Variants in SPIRE1 observed in about 807,000 individuals in gnomAD.
SPIRE1 encodes the protein spire type actin nucleation factor 1, also known as protein spire homolog 1.
A neutral mutation model predicts 94.1 loss-of-function variants in SPIRE1; 40 were observed. The ratio of observed to expected loss-of-function variants is 0.43; its 90% CI spans 0.33 to 0.55. The LOEUF is 0.55. SPIRE1 is among the 20% of genes least tolerant of loss of function. The pLI is 0.06. For synonymous variants in SPIRE1, 376 were observed against 371.7 expected (o/e 1.01, Z -0.13); for missense variants, 838 against 975.2 (o/e 0.86, Z 1.87).
At chr18:12,635,644 G>C (rs1316046763) in intron 1 of SPIRE1, among the ~76,000 whole-genome samples, 1 of 152,048 alleles carries the variant, frequency 6.6e-6, no homozygotes, top group East Asian at 1.9e-4. Context: ...CTCACTTAAA[G>C]AATAATTAGA....
chr18:12,549,718 G>A (rs2035293567), intron 2 of SPIRE1, among the ~76,000 whole-genome samples: 1 of 151,790 alleles, frequency 6.6e-6, no homozygotes, highest in African/African-American at 2.4e-5. Context: ...CGGAGTGCTG[G>A]GATTACAGCT....
chr18:12,652,586 C>T (rs2038410238), intron 1 of SPIRE1, among the ~76,000 whole-genome samples: 1 of 152,108 alleles, frequency 6.6e-6, no homozygotes, highest in African/African-American at 2.4e-5. Flanking sequence ...TTTCCTTTTT[C>T]TTGAATTTAT....
chr18:12,598,893 C>T (rs923553912), intron 2 of SPIRE1, among the ~76,000 whole-genome samples: 1 of 152,106 alleles, frequency 6.6e-6, no homozygotes, highest in Non-Finnish European at 1.5e-5. Flanking sequence ...AGTTTTTTGG[C>T]ATTTTTTTTG....
chr18:12,532,227 G>A (rs2034704069), intron 4 of SPIRE1, among the ~76,000 whole-genome samples: 1 of 152,184 alleles, frequency 6.6e-6, no homozygotes, highest in Non-Finnish European at 1.5e-5. Context: ...TAAATAAATA[G>A]ATGATGAACC....
chr18:12,548,604 CTTTTTTTTTT>C (rs59811774), intron 2 of SPIRE1, among the ~76,000 whole-genome samples: 3 of 144,262 alleles, frequency 2.1e-5, no homozygotes, highest in African/African-American at 7.6e-5. Context: ...TCTTTTCTTT[CTTTTTTTTTT>C]TTTTCTTCTT....
intron 2 of SPIRE1, among the ~76,000 whole-genome samples, chr18:12,605,955 G>A (rs1242238745): frequency 6.6e-6 from 1 of 152,056 alleles, no homozygotes; most frequent in Non-Finnish European, 1.5e-5. Context: ...GGTCCACCTA[G>A]GCATCTTCCC....
At chr18:12,512,598 C>T in intron 4 of SPIRE1, 67 bp from the exon 5 acceptor site, 5 of 974,894 alleles carry the variant, frequency 5.1e-6, no homozygotes, top group Non-Finnish European at 4.8e-6. Context: ...AAATTCCTAA[C>T]ATATCTTCAG....
At chr18:12,634,258 TAAAAAA>T (rs71174115) in intron 2 of SPIRE1, among the ~76,000 whole-genome samples, 2 of 140,938 alleles carry the variant, frequency 1.4e-5, no homozygotes, top group Admixed American at 1.5e-4. Flanking sequence ...AAAATAAAAA[TAAAAAA>T]AAAAAAAAAT....
intron 2 of SPIRE1, among the ~76,000 whole-genome samples, chr18:12,608,680 C>G (rs2037055036): frequency 6.6e-6 from 1 of 152,184 alleles, no homozygotes; most frequent in South Asian, 2.1e-4. Context: ...GTATTATCCT[C>G]TGGTAACTGA....
At chr18:12,546,198 C>A (rs1035959619) in intron 3 of SPIRE1, among the ~76,000 whole-genome samples, 3 of 152,136 alleles carry the variant, frequency 2.0e-5, no homozygotes, top group Admixed American at 6.6e-5. Flanking sequence ...ACCGTGTTAG[C>A]CAGGACGTTC....
intron 9 of SPIRE1, among the ~76,000 whole-genome samples, chr18:12,484,204 C>T (rs963065515): frequency 6.6e-5 from 10 of 152,126 alleles, no homozygotes; most frequent in African/African-American, 1.9e-4. Context: ...TTTCTTATTA[C>T]GGTCCAACTA....
intron 2 of SPIRE1, among the ~76,000 whole-genome samples, chr18:12,601,186 C>T (rs1347611518): frequency 1.3e-5 from 2 of 151,502 alleles, no homozygotes; most frequent in African/African-American, 2.4e-5. Flanking sequence ...TCTGGGAGGC[C>T]GCGGCAGGCA....
At chr18:12,508,141 T>C (rs2033901967) in intron 5 of SPIRE1, among the ~76,000 whole-genome samples, 1 of 151,120 alleles carries the variant, frequency 6.6e-6, no homozygotes, top group South Asian at 2.1e-4. Context: ...TGAGATTCCA[T>C]CTCAAAAAAA....
intron 2 of SPIRE1, among the ~76,000 whole-genome samples, chr18:12,618,757 A>T (rs1417519231): frequency 2.0e-5 from 3 of 152,214 alleles, no homozygotes; most frequent in East Asian, 1.9e-4. Flanking sequence ...TTATATAAAC[A>T]TGCTCTCATA....
intron 10 of SPIRE1, among the ~76,000 whole-genome samples, chr18:12,473,763 A>G (rs2032453932): frequency 6.6e-6 from 1 of 152,240 alleles, no homozygotes; most frequent in African/African-American, 2.4e-5. Flanking sequence ...TCAGAACTAA[A>G]TAAGGGTTAT....
At position 12,451,026 on chromosome 18, in the gene SPIRE1, GGGAGGA is replaced by G. The variant is rs532972302; in HGVS notation, c.2013-1136_2013-1131del. 1.4e-4 allele frequency: 74 copies of G among 528,306 alleles called. 1 individual carries two copies. Among genetic ancestry groups the G allele is most frequent in the Non-Finnish European group, 2.2e-4 (64 of 291,950 alleles). The allele number at this position is 528,306 out of a possible 1,614,324, so 32.7% of individuals were successfully genotyped here. On this transcript the variant is annotated intron_variant, in intron 16 of 16. Transcript: ENST00000409402. ...GAACAAGATGAAAAGGAAGAAGGAG[GGGAGGA>G]GGAGGAGGAGGAGGAGGATGAATAA...
chr18:12,485,159 C>G (rs1335505638), intron 9 of SPIRE1, among the ~76,000 whole-genome samples: 1 of 137,056 alleles, frequency 7.3e-6, no homozygotes, highest in African/African-American at 2.7e-5. Flanking sequence ...GGCTGATGTT[C>G]AGTGGCGCGA....
chr18:12,597,502 A>G (rs1361437355), intron 2 of SPIRE1, among the ~76,000 whole-genome samples: 1 of 152,210 alleles, frequency 6.6e-6, no homozygotes, highest in Non-Finnish European at 1.5e-5. Flanking sequence ...GGGAGACTGT[A>G]TTTGAACTAT....
chr18:12,512,760 C>T (rs1040814937), intron 4 of SPIRE1, among the ~76,000 whole-genome samples: 1 of 138,376 alleles, frequency 7.2e-6, no homozygotes, highest in Non-Finnish European at 1.5e-5. Context: ...GCCCTGCCAA[C>T]ACAACTTTCT....
Sources: gnomAD v4.1 joint callset for allele counts (sites outside exome capture counted in the v4.1 genomes callset) on GRCh38, gnomAD v4.1.1 for gene constraint, MANE v1.5 for transcripts, NCBI Gene and HGNC (gene_info 2026-07-23, HGNC 2026-07-21) for gene names.